The following TNNI3K variants were observed in gnomAD, a reference collection of about 807,000 sequenced individuals.
TNNI3K encodes the protein TNNI3 interacting kinase.
In TNNI3K, 140 loss-of-function variants were observed where a neutral mutation model predicts 114.5. That is an observed-to-expected ratio of 1.22 (90% confidence interval 1.07 to 1.41). The LOEUF (loss-of-function observed/expected upper bound fraction) is 1.41, where lower values mean the gene tolerates loss of function less well. TNNI3K is among the 40% of genes most tolerant of loss of function. The pLI is 0.00. For synonymous variants in TNNI3K, 347 were observed against 347.5 expected (o/e 1.00, Z 0.02); for missense variants, 1,125 against 1,007.6 (o/e 1.12, Z -1.58).
At chr1:74,446,464 C>G (rs1279482571) in intron 20 of TNNI3K, among the ~76,000 whole-genome samples, 4 of 148,912 alleles carry the variant, frequency 2.7e-5, no homozygotes, top group Non-Finnish European at 6.0e-5. Context: ...GAGTAGGTTG[C>G]GAAAATTTTC....
chr1:74,387,717 C>T (rs1025996770), intron 17 of TNNI3K, among the ~76,000 whole-genome samples: 13 of 152,148 alleles, frequency 8.5e-5, no homozygotes, highest in African/African-American at 2.4e-4. Flanking sequence ...GGTATCGAGG[C>T]GTAATCCCAG....
chr1:74,379,328 C>A (rs1360198076), intron 17 of TNNI3K, among the ~76,000 whole-genome samples: 6 of 32,698 alleles, frequency 1.8e-4, no homozygotes, highest in Admixed American at 1.8e-3. Context: ...AACACACATA[C>A]ACGCGCGCAC....
At chr1:74,320,180 G>A (rs935863784) in intron 5 of TNNI3K, among the ~76,000 whole-genome samples, 8 of 152,178 alleles carry the variant, frequency 5.3e-5, no homozygotes, top group African/African-American at 9.6e-5. Flanking sequence ...TATAACCAAC[G>A]GAATGGTTGA....
intron 5 of TNNI3K, among the ~76,000 whole-genome samples, chr1:74,287,472 A>T (rs2100274397): frequency 6.6e-6 from 1 of 152,278 alleles, no homozygotes; most frequent in South Asian, 2.1e-4. Context: ...GAGAAAAGTG[A>T]CTCATCACAT....
At chr1:74,367,811 A>T in intron 12 of TNNI3K, 97 bp from the exon 13 acceptor site, 2 of 1,164,668 alleles carry the variant, frequency 1.7e-6, no homozygotes, top group Admixed American at 2.6e-5. Flanking sequence ...CGATAGTTTT[A>T]CTTCGTTTCG....
At chr1:74,307,615 T>C (rs1430227378) in intron 5 of TNNI3K, among the ~76,000 whole-genome samples, 2 of 152,072 alleles carry the variant, frequency 1.3e-5, no homozygotes, top group Admixed American at 6.5e-5. Context: ...TCACCTAACA[T>C]TGGAGGGAGC....
intron 5 of TNNI3K, among the ~76,000 whole-genome samples, chr1:74,284,051 A>G (rs912748291): frequency 3.9e-5 from 6 of 152,098 alleles, no homozygotes; most frequent in Admixed American, 1.3e-4. Context: ...TGAGCTCACT[A>G]TGTCTCAGGA....
chr1:74,432,060 C>G (rs1368662263), intron 17 of TNNI3K, among the ~76,000 whole-genome samples: 1 of 151,736 alleles, frequency 6.6e-6, no homozygotes, highest in Non-Finnish European at 1.5e-5. Flanking sequence ...AGATGCAAGT[C>G]TGTGTATGTG....
intron 5 of TNNI3K, among the ~76,000 whole-genome samples, chr1:74,294,835 C>G (rs1352602432): frequency 1.3e-5 from 2 of 151,664 alleles, no homozygotes; most frequent in Non-Finnish European, 2.9e-5. Context: ...GTTTAAAAAC[C>G]TTTTGTGCTT....
intron 4 of TNNI3K, among the ~76,000 whole-genome samples, chr1:74,266,295 C>A (rs1479560041): frequency 6.6e-6 from 1 of 151,992 alleles, no homozygotes; most frequent in African/African-American, 2.4e-5. Flanking sequence ...GTGCGATGTA[C>A]CTTCTCCATG....
At chr1:74,430,593 G>A (rs1024964397) in intron 17 of TNNI3K, among the ~76,000 whole-genome samples, 31 of 152,070 alleles carry the variant, frequency 2.0e-4, no homozygotes, top group Non-Finnish European at 3.2e-4. Context: ...AATCTTGCCC[G>A]CAGTTATATT....
chr1:74,347,094 C>T (rs1378009188), intron 9 of TNNI3K, among the ~76,000 whole-genome samples: 2 of 151,462 alleles, frequency 1.3e-5, no homozygotes, highest in African/African-American at 4.8e-5. Context: ...TGCTGAGCTG[C>T]ACCCATTAAC....
chr1:74,436,171 C>T, intron 18 of TNNI3K, 39 bp downstream of exon 18: 1 of 1,605,960 alleles, frequency 6.2e-7, no homozygotes, highest in Admixed American at 1.7e-5. Flanking sequence ...TTTCTTTGTT[C>T]CTAGCTGGTA....
intron 23 of TNNI3K, among the ~76,000 whole-genome samples, chr1:74,513,120 C>T (rs1406173623): frequency 1.3e-5 from 2 of 152,136 alleles, no homozygotes; most frequent in African/African-American, 2.4e-5. Context: ...CTTGCTCAGT[C>T]GATACTGTTT....
At chr1:74,400,961 A>C (rs539341422) in intron 17 of TNNI3K, among the ~76,000 whole-genome samples, 131 of 152,256 alleles carry the variant, frequency 8.6e-4, no homozygotes, top group Non-Finnish European at 1.6e-3. Context: ...TAAGTCTAAG[A>C]GAAAGTTGAC....
intron 6 of TNNI3K, among the ~76,000 whole-genome samples, chr1:74,335,001 A>C (rs187898014): frequency 6.6e-6 from 1 of 152,314 alleles, no homozygotes; most frequent in African/African-American, 2.4e-5. Context: ...ACGTTTTCAA[A>C]GCTCCCTAGC....
At chr1:74,505,996 G>GA (rs575651817) in intron 23 of TNNI3K, among the ~76,000 whole-genome samples, 150 of 152,052 alleles carry the variant, frequency 9.9e-4, no homozygotes, top group African/African-American at 3.4e-3. Flanking sequence ...ATCACTTTTT[G>GA]TTTTTTTGGC....
At chr1:74,253,224 A>G (rs1655056857) in intron 4 of TNNI3K, among the ~76,000 whole-genome samples, 1 of 152,178 alleles carries the variant, frequency 6.6e-6, no homozygotes, top group Admixed American at 6.5e-5. Flanking sequence ...CCTCAGCTAG[A>G]CACAAAGTTT....
intron 5 of TNNI3K, among the ~76,000 whole-genome samples, chr1:74,279,824 A>C (rs1332796528): frequency 6.6e-6 from 1 of 152,182 alleles, no homozygotes; most frequent in Non-Finnish European, 1.5e-5. Flanking sequence ...CTAAGATATA[A>C]AATTTCATAG....
Sources: gnomAD v4.1 joint callset for allele counts (sites outside exome capture counted in the v4.1 genomes callset) on GRCh38, gnomAD v4.1.1 for gene constraint, MANE v1.5 for transcripts, NCBI Gene and HGNC (gene_info 2026-07-23, HGNC 2026-07-21) for gene names.